FNDC3B: variants seen among roughly 807,000 people sequenced by gnomAD.
FNDC3B encodes the protein fibronectin type III domain-containing protein 3B.
A neutral mutation model predicts 151.5 loss-of-function variants in FNDC3B; 12 were observed. The ratio of observed to expected loss-of-function variants is 0.08; its 90% CI spans 0.05 to 0.13. The LOEUF is 0.13. Ranked by LOEUF, FNDC3B falls within the 10% of genes least tolerant of loss-of-function variation. FNDC3B has a pLI of 1.00. For synonymous variants in FNDC3B, 528 were observed against 549.0 expected (o/e 0.96, Z 0.54); for missense variants, 1,214 against 1,505.3 (o/e 0.81, Z 3.20).
At chr3:172,183,643 C>T (rs1410614901) in intron 3 of FNDC3B, among the ~76,000 whole-genome samples, 1 of 152,226 alleles carries the variant, frequency 6.6e-6, no homozygotes, top group Non-Finnish European at 1.5e-5. Context: ...GCTAATCTTA[C>T]ATAGCAGTTT....
At chr3:172,225,188 T>G (rs1726492695) in intron 3 of FNDC3B, among the ~76,000 whole-genome samples, 1 of 152,208 alleles carries the variant, frequency 6.6e-6, no homozygotes, top group Non-Finnish European at 1.5e-5. Context: ...AAAAACTTTT[T>G]TGGGAAGACA....
intron 4 of FNDC3B, chr3:172,237,730 C>G (rs1170940199): frequency 2.6e-5 from 4 of 152,200 alleles, no homozygotes; most frequent in Non-Finnish European, 5.9e-5. Flanking sequence ...ATTTTGATCA[C>G]CTATAAAACA....
chr3:172,286,107 C>A, intron 7 of FNDC3B, 123 bp downstream of exon 7: 1 of 685,908 alleles, frequency 1.5e-6, no homozygotes, highest in Non-Finnish European at 2.5e-6. Context: ...GATTACTCAT[C>A]AACTATGAAA....
intron 1 of FNDC3B, among the ~76,000 whole-genome samples, chr3:172,063,093 T>A (rs1460880904): frequency 6.6e-6 from 1 of 152,234 alleles, no homozygotes; most frequent in Admixed American, 6.5e-5. Flanking sequence ...CTATCTTCCT[T>A]GTTAAATACA....
At chr3:172,108,312 G>A (rs550499597) in intron 1 of FNDC3B, among the ~76,000 whole-genome samples, 17 of 152,138 alleles carry the variant, frequency 1.1e-4, no homozygotes, top group Non-Finnish European at 2.1e-4. Context: ...TAAGAAAAAA[G>A]CTGTGGCCAG....
rs1310788001 is a variant in FNDC3B at position 172,352,932 on chromosome 3, C to T, written c.2644C>T (p.Pro882Ser). The T allele has an allele frequency of 2.5e-6, 4 of 1,614,222 alleles. No individual in the cohort carries two copies. The highest frequency in any genetic ancestry group is 1.1e-5 in the South Asian group (1 of 91,088). ...GCCCCTTGATGCCTACCCTGATTCACCTTCTGCGTGCCTTGTACTGAACTG... is the reference window on the plus strand; with the variant it reads ...GCCCCTTGATGCCTACCCTGATTCATCTTCTGCGTGCCTTGTACTGAACTG... ...EEPLDAYPDS[P>S]SACLVLNWEE... Residue 882 changes from proline (P) to serine (S), a missense_variant, in exon 22 of 26, where the codon CCT becomes TCT. Coordinates refer to ENST00000415807, the MANE Select transcript of FNDC3B (RefSeq NM_022763.4). The surrounding 1 kb of genome is among the most constrained non-coding windows in gnomAD (Gnocchi z 4.2).
intron 3 of FNDC3B, among the ~76,000 whole-genome samples, chr3:172,142,816 G>A (rs1169606891): frequency 2.6e-5 from 4 of 152,164 alleles, no homozygotes; most frequent in African/African-American, 7.2e-5. Context: ...TATTAACAAC[G>A]GAAATCTATT....
At chr3:172,062,937 G>T (rs1034753156) in intron 1 of FNDC3B, among the ~76,000 whole-genome samples, 1 of 152,120 alleles carries the variant, frequency 6.6e-6, no homozygotes, top group Non-Finnish European at 1.5e-5. Context: ...TCTCTTTAAA[G>T]CATTACTTTT....
chr3:172,335,344 C>G lies in FNDC3B; in HGVS notation c.1780+262C>G, dbSNP rs184656998. The G allele has an allele frequency of 7.5e-4, 224 of 297,466 alleles. 1 individual carries two copies. The highest frequency in any genetic ancestry group is 1.2e-3 in the Admixed American group (25 of 20,300). The allele number at this position is 297,466 out of a possible 1,614,324, so 18.4% of individuals were successfully genotyped here. A position where few individuals can be genotyped will look rare whatever the true frequency, so the allele number is the denominator to read the frequency against. ...ATGATTTTTAAGAGTATCTCATTTA[C>G]TCTATGATTTTCCTGTTTACATATT... On this transcript the variant is annotated intron_variant, in intron 15 of 25. Transcript: ENST00000415807.
intron 1 of FNDC3B, among the ~76,000 whole-genome samples, chr3:172,068,854 TCA>T (rs1017422711): frequency 3.9e-5 from 6 of 152,212 alleles, no homozygotes; most frequent in Non-Finnish European, 8.8e-5. Flanking sequence ...CATTTAATCC[TCA>T]CAGTGTCCTG....
At chr3:172,397,117 A>T in intron 25 of FNDC3B, 47 bp from the exon 26 acceptor site, 1 of 1,450,210 alleles carries the variant, frequency 6.9e-7, no homozygotes, top group Non-Finnish European at 9.4e-7. Context: ...TCTAGAGACA[A>T]CAGTGTTGCT....
chr3:172,108,587 CT>C (rs1576871011), intron 1 of FNDC3B, among the ~76,000 whole-genome samples: 2 of 152,222 alleles, frequency 1.3e-5, no homozygotes, highest in East Asian at 1.9e-4. Context: ...AGGAGGTTCA[CT>C]TTTGGGTTGC....
At chr3:172,079,209 C>T (rs1718165461) in intron 1 of FNDC3B, among the ~76,000 whole-genome samples, 1 of 152,100 alleles carries the variant, frequency 6.6e-6, no homozygotes, top group Non-Finnish European at 1.5e-5. Flanking sequence ...GTTTAACATG[C>T]TGTTAAACTG....
intron 3 of FNDC3B, among the ~76,000 whole-genome samples, chr3:172,134,041 G>A (rs1401939184): frequency 6.6e-6 from 1 of 152,176 alleles, no homozygotes; most frequent in Non-Finnish European, 1.5e-5. Flanking sequence ...CTCAGAGGCT[G>A]CCCAACACAG....
intron 25 of FNDC3B, among the ~76,000 whole-genome samples, chr3:172,394,422 T>G (rs1264333571): frequency 1.3e-5 from 2 of 152,056 alleles, no homozygotes; most frequent in African/African-American, 4.8e-5. Context: ...AAAAAAAGAT[T>G]ACAGCAAATA....
At chr3:172,106,101 T>C (rs1330273427) in intron 1 of FNDC3B, among the ~76,000 whole-genome samples, 1 of 152,196 alleles carries the variant, frequency 6.6e-6, no homozygotes, top group Non-Finnish European at 1.5e-5. Context: ...GGGTTTTGAA[T>C]TGGAGTATGG....
intron 4 of FNDC3B, among the ~76,000 whole-genome samples, chr3:172,246,984 A>G (rs1396820046): frequency 6.6e-6 from 1 of 152,196 alleles, no homozygotes; most frequent in African/African-American, 2.4e-5. Flanking sequence ...AAGTAATCTT[A>G]GGGCACACTT....
rs1157491905 is a variant in FNDC3B, at chr3:172,399,203, CTTTA to C, written c.*1735_*1738del. On this transcript the variant is annotated 3_prime_UTR_variant, in exon 26 of 26. Transcript: ENST00000415807. ...CTTTAAATGCCAATTACAGTGCAAT[CTTTA>C]TTTATTGTAAAATTTTTTAAGTGTA... 1 of 152,526 alleles carries C rather than the reference CTTTA, an allele frequency of 6.6e-6. No individual in the cohort carries two copies. Among genetic ancestry groups the C allele is most frequent in the Non-Finnish European group, 1.5e-5 (1 of 68,016 alleles). 9.4% of individuals were successfully genotyped at this position (152,526 alleles called of 1,614,324 possible). A position where few individuals can be genotyped will look rare whatever the true frequency, so the allele number is the denominator to read the frequency against.
chr3:172,124,661 C>A (rs1426310491), intron 2 of FNDC3B, among the ~76,000 whole-genome samples: 1 of 152,232 alleles, frequency 6.6e-6, no homozygotes, highest in Non-Finnish European at 1.5e-5. Flanking sequence ...AACTTAAGTG[C>A]TACTTTGGAA....
Sources: allele counts gnomAD v4.1 joint callset (sites outside exome capture counted in the v4.1 genomes callset), GRCh38; gene constraint gnomAD v4.1.1; non-coding constraint Gnocchi (gnomAD v3.1); transcripts MANE v1.5; gene names NCBI Gene and HGNC (gene_info 2026-07-23, HGNC 2026-07-21).